Variants in ETV1 observed in about 807,000 individuals in gnomAD.
ETV1 encodes ETS translocation variant 1.
ETV1 carries 27 observed loss-of-function variants against 62.3 expected under a neutral mutation model. The observed-to-expected ratio is 0.43, with a 90% CI of 0.32 to 0.60. The LOEUF is 0.60. Ranked by LOEUF, ETV1 falls within the 20% of genes least tolerant of loss-of-function variation. The pLI is 0.06. For missense variants in ETV1, 605 were observed against 605.8 expected (o/e 1.00, Z 0.01); for synonymous variants, 222 against 199.6 (o/e 1.11, Z -0.94).
At chr7:13,958,320 A>T (rs1179405911) in intron 6 of ETV1, among the ~76,000 whole-genome samples, 1 of 152,162 alleles carries the variant, frequency 6.6e-6, no homozygotes, top group Admixed American at 6.6e-5. Flanking sequence ...AATACATCTG[A>T]CTTTTGCTAG....
intron 9 of ETV1, among the ~76,000 whole-genome samples, chr7:13,922,869 T>G (rs1454332130): frequency 2.0e-5 from 3 of 152,202 alleles, no homozygotes; most frequent in African/African-American, 7.2e-5. Context: ...TCAGAAAGGA[T>G]GAAAGAAAAG....
At chr7:13,905,100 C>T (rs923293573) in intron 12 of ETV1, among the ~76,000 whole-genome samples, 3 of 151,608 alleles carry the variant, frequency 2.0e-5, no homozygotes, top group Non-Finnish European at 1.5e-5. Flanking sequence ...CTGTTCTAAC[C>T]AGTGCCTTTT....
chr7:13,990,305 A>G (rs557716499), upstream of ETV1: 28 of 152,364 alleles, frequency 1.8e-4, no homozygotes, highest in African/African-American at 6.3e-4. Flanking sequence ...TAAAGAATCT[A>G]TAAGGAAGGC....
Position 13,895,829 on chromosome 7 carries a change from A to C in ETV1, c.*37T>G, listed in dbSNP as rs765625241. On this transcript the variant is annotated 3_prime_UTR_variant, in exon 14 of 14. Coordinates refer to ENST00000430479, the MANE Select transcript of ETV1 (RefSeq NM_004956.5). ...TTCTCTGTATCTTGCAGAAAAAAGG[A>C]AAAGCGCAAAAACGCCCTGCTTGAC... 1 of 1,470,072 alleles carries C rather than the reference A, an allele frequency of 6.8e-7. No homozygotes were observed. Among genetic ancestry groups the C allele is most frequent in the African/African-American group, 1.4e-5 (1 of 72,012 alleles). 91.1% of individuals were successfully genotyped at this position (1,470,072 alleles called of 1,614,324 possible).
intron 6 of ETV1, among the ~76,000 whole-genome samples, chr7:13,973,347 C>A (rs1447212773): frequency 6.6e-6 from 1 of 152,148 alleles, no homozygotes; most frequent in African/African-American, 2.4e-5. Flanking sequence ...AGAGGGGATG[C>A]AGTTTCTTTC....
At chr7:13,982,886 T>C (rs191898640) in intron 5 of ETV1, among the ~76,000 whole-genome samples, 91 of 152,110 alleles carry the variant, frequency 6.0e-4, no homozygotes, top group African/African-American at 2.1e-3. Flanking sequence ...GTGGATGACA[T>C]TACACATAGT....
At chr7:13,906,121 C>T (rs1453818625) in intron 12 of ETV1, 3 of 216,484 alleles carry the variant, frequency 1.4e-5, no homozygotes, top group Non-Finnish European at 2.7e-5. Context: ...CCTCCTGCCT[C>T]TTTTCTCTAA....
At chr7:13,977,344 C>T (rs780233989) in intron 6 of ETV1, 83 bp downstream of exon 6, 10 of 891,748 alleles carry the variant, frequency 1.1e-5, no homozygotes, top group South Asian at 3.2e-5. Context: ...AGACACTGGA[C>T]GTGAAAACCA....
chr7:13,920,434 G>A (rs936768389), intron 9 of ETV1, among the ~76,000 whole-genome samples: 4 of 131,644 alleles, frequency 3.0e-5, no homozygotes, highest in Admixed American at 1.6e-4. Context: ...TCCAGAGAGA[G>A]TGAGTGAGTG....
At chr7:13,919,316 T>A (rs148107883) in intron 9 of ETV1, among the ~76,000 whole-genome samples, 1 of 151,880 alleles carries the variant, frequency 6.6e-6, no homozygotes, top group Non-Finnish European at 1.5e-5. Context: ...TCATGTTAAG[T>A]GAGTGGTTTT....
intron 6 of ETV1, among the ~76,000 whole-genome samples, chr7:13,967,048 T>C (rs1780362381): frequency 6.6e-6 from 1 of 152,114 alleles, no homozygotes; most frequent in Admixed American, 6.6e-5. Flanking sequence ...TAAACTCTCA[T>C]AGGTAAAATA....
chr7:13,943,626 A>G (rs1787811447), intron 6 of ETV1, among the ~76,000 whole-genome samples: 1 of 152,216 alleles, frequency 6.6e-6, no homozygotes. Flanking sequence ...ATATTCATCA[A>G]TGGGCAAATG....
At chr7:13,941,713 A>G (rs1167227304) in intron 6 of ETV1, among the ~76,000 whole-genome samples, 1 of 152,024 alleles carries the variant, frequency 6.6e-6, no homozygotes, top group African/African-American at 2.4e-5. Context: ...TCCACTAAAA[A>G]TACAAAAATT....
chr7:13,919,548 C>A (rs1387977670), intron 9 of ETV1, among the ~76,000 whole-genome samples: 1 of 139,772 alleles, frequency 7.2e-6, no homozygotes, highest in African/African-American at 2.7e-5. Context: ...TTGTTAGAAA[C>A]AACTAAATAG....
chr7:13,918,784 T>A (rs1444365203), intron 9 of ETV1, among the ~76,000 whole-genome samples: 1 of 150,612 alleles, frequency 6.6e-6, no homozygotes, highest in East Asian at 2.0e-4. Flanking sequence ...AGATGACGAG[T>A]TAGTGGGTGC....
chr7:13,930,583 A>T (rs1047642486), intron 9 of ETV1, among the ~76,000 whole-genome samples: 1 of 151,906 alleles, frequency 6.6e-6, no homozygotes, highest in Non-Finnish European at 1.5e-5. Flanking sequence ...GGCCTCCCAA[A>T]GTGCTGGGAT....
chr7:13,960,596 T>C (rs1790055713), intron 6 of ETV1, among the ~76,000 whole-genome samples: 1 of 152,056 alleles, frequency 6.6e-6, no homozygotes, highest in South Asian at 2.1e-4. Flanking sequence ...CTATAAAATT[T>C]ATAAATTTAT....
intron 6 of ETV1, among the ~76,000 whole-genome samples, chr7:13,951,089 T>C (rs975128065): frequency 6.6e-6 from 1 of 152,008 alleles, no homozygotes; most frequent in African/African-American, 2.4e-5. Flanking sequence ...CCCATACCAC[T>C]TGGGCTAAGT....
intron 6 of ETV1, among the ~76,000 whole-genome samples, chr7:13,941,578 G>A (rs541842126): frequency 6.6e-6 from 1 of 152,236 alleles, no homozygotes; most frequent in South Asian, 2.1e-4. Flanking sequence ...AGAATTTAAA[G>A]TAGTGCTCTA....
Sources: allele counts gnomAD v4.1 joint callset (sites outside exome capture counted in the v4.1 genomes callset), GRCh38; gene constraint gnomAD v4.1.1; transcripts MANE v1.5; gene names NCBI Gene and HGNC (gene_info 2026-07-23, HGNC 2026-07-21).